ANKS1B: variants seen among roughly 807,000 people sequenced by gnomAD.
ANKS1B encodes the protein ankyrin repeat and sterile alpha motif domain containing 1B, also known as ankyrin repeat and sterile alpha motif domain-containing protein 1B.
Under a neutral mutation model 148.3 loss-of-function variants are expected in ANKS1B, and 36 were observed. The observed-to-expected ratio is 0.24, with a 90% CI of 0.19 to 0.32. The LOEUF (loss-of-function observed/expected upper bound fraction) is 0.32. Ranked by LOEUF, ANKS1B falls within the 10% of genes least tolerant of loss-of-function variation. The pLI is 1.00. For synonymous variants in ANKS1B, 542 were observed against 560.8 expected (o/e 0.97, Z 0.47); for missense variants, 1,157 against 1,542.6 (o/e 0.75, Z 4.19).
At chr12:99,534,688 C>CT (rs1313136743) in intron 9 of ANKS1B, among the ~76,000 whole-genome samples, 2 of 146,510 alleles carry the variant, frequency 1.4e-5, no homozygotes, top group Admixed American at 1.4e-4. Context: ...TTTTAGGAAA[C>CT]TTTTTTTTTC....
chr12:99,648,228 G>C (rs1306154451), intron 9 of ANKS1B: 5 of 1,614,174 alleles, frequency 3.1e-6, no homozygotes, highest in Non-Finnish European at 1.7e-6. Flanking sequence ...GCCCCGCAAT[G>C]GGCATGTTTA....
intron 8 of ANKS1B, among the ~76,000 whole-genome samples, chr12:99,741,206 A>AACACACACACAC (rs774613671): frequency 0.023 from 3,114 of 135,336 alleles, 63 homozygotes; most frequent in South Asian, 0.07. Flanking sequence ...GGCTCCGTCA[A>AACACACACACAC]ACACACACAC....
chr12:99,968,694 C>T (rs1485484928), intron 1 of ANKS1B, among the ~76,000 whole-genome samples: 1 of 152,136 alleles, frequency 6.6e-6, no homozygotes, highest in Non-Finnish European at 1.5e-5. Context: ...AATCTCATAC[C>T]GAAATGTGGT....
intron 1 of ANKS1B, among the ~76,000 whole-genome samples, chr12:99,945,787 C>A (rs2095045528): frequency 6.6e-6 from 1 of 152,136 alleles, no homozygotes; most frequent in South Asian, 2.1e-4. Flanking sequence ...AAATGAAGCC[C>A]AGAGAAGAAA....
At chr12:99,489,471 TAGA>T (rs551904133) in intron 10 of ANKS1B, among the ~76,000 whole-genome samples, 2 of 152,288 alleles carry the variant, frequency 1.3e-5, no homozygotes, top group South Asian at 4.1e-4. Flanking sequence ...TTTGAGCTAC[TAGA>T]AGAGAAAAGA....
intron 16 of ANKS1B, among the ~76,000 whole-genome samples, chr12:99,061,975 C>G (rs1356882373): frequency 6.6e-6 from 1 of 152,034 alleles, no homozygotes; most frequent in Non-Finnish European, 1.5e-5. Flanking sequence ...GATATCTGGG[C>G]AAATGGTGGT....
In ANKS1B at chr12:98,894,668, G is replaced by C. The variant is rs554382213; in HGVS notation, c.2779-62532C>G. The C allele has an allele frequency of 1.1e-3, 1,039 of 985,612 alleles. 8 individuals carry two copies. The African/African-American group carries it at 0.017, about 16-fold the overall frequency. 61.1% of individuals were successfully genotyped at this position (985,612 alleles called of 1,614,324 possible). A position where few individuals can be genotyped will look rare whatever the true frequency, so the allele number is the denominator to read the frequency against. ...GCTGGCCGCGAGCCGGGATCCGCGA[G>C]GGCTGGCGGGCTCTGGCCCCCGAGG... On this transcript the variant is annotated intron_variant, in intron 17 of 26. Coordinates refer to ENST00000683438, the MANE Select transcript of ANKS1B (RefSeq NM_001352186.2).
At chr12:99,020,178 T>A (rs2099944922) in intron 17 of ANKS1B, among the ~76,000 whole-genome samples, 1 of 152,096 alleles carries the variant, frequency 6.6e-6, no homozygotes, top group South Asian at 2.1e-4. Flanking sequence ...TATGCAACCA[T>A]CACCATCATC....
chr12:99,694,834 T>G (rs1388856419), intron 8 of ANKS1B, among the ~76,000 whole-genome samples: 1 of 152,214 alleles, frequency 6.6e-6, no homozygotes, highest in African/African-American at 2.4e-5. Context: ...CTTCAGCATC[T>G]CTGGGAAATC....
At chr12:98,898,023 C>T (rs2099767218) in intron 17 of ANKS1B, among the ~76,000 whole-genome samples, 1 of 152,042 alleles carries the variant, frequency 6.6e-6, no homozygotes, top group South Asian at 2.1e-4. Flanking sequence ...AATGGACATA[C>T]AGAGGGAAAC....
intron 19 of ANKS1B, among the ~76,000 whole-genome samples, chr12:98,827,768 T>C (rs1298648086): frequency 2.0e-5 from 3 of 152,204 alleles, no homozygotes; most frequent in African/African-American, 7.2e-5. Context: ...TAATGCTCAT[T>C]AAAGAACTAT....
chr12:99,301,282 T>C (rs1243087254), intron 12 of ANKS1B, among the ~76,000 whole-genome samples: 1 of 152,172 alleles, frequency 6.6e-6, no homozygotes, highest in Non-Finnish European at 1.5e-5. Flanking sequence ...AGGACCCACA[T>C]AGACATACAC....
chr12:99,647,424 T>G (rs1297356632), intron 9 of ANKS1B, among the ~76,000 whole-genome samples: 1 of 152,206 alleles, frequency 6.6e-6, no homozygotes, highest in Non-Finnish European at 1.5e-5. Context: ...TATCCAATTC[T>G]CTCTTTAAAA....
intron 19 of ANKS1B, among the ~76,000 whole-genome samples, chr12:98,817,502 G>A (rs992356972): frequency 1.2e-4 from 18 of 152,230 alleles, no homozygotes; most frequent in Admixed American, 4.6e-4. Context: ...CCCAGAGGCC[G>A]CAGGCCAGCA....
intron 9 of ANKS1B, among the ~76,000 whole-genome samples, chr12:99,607,599 G>T (rs750076299): frequency 6.6e-6 from 1 of 152,012 alleles, no homozygotes; most frequent in African/African-American, 2.4e-5. Context: ...CACATGCCAG[G>T]TCCAATAATT....
intron 17 of ANKS1B, among the ~76,000 whole-genome samples, chr12:98,987,358 A>G (rs989981798): frequency 5.3e-5 from 8 of 152,162 alleles, no homozygotes; most frequent in African/African-American, 4.8e-5. Flanking sequence ...ATATATTTCT[A>G]AAGTATCCCA....
chr12:98,924,058 C>T (rs893470041), intron 17 of ANKS1B, among the ~76,000 whole-genome samples: 1 of 152,188 alleles, frequency 6.6e-6, no homozygotes, highest in South Asian at 2.1e-4. Context: ...GACTTAGATG[C>T]CTCTATTTAT....
At chr12:98,817,267 T>C (rs886588992) in intron 19 of ANKS1B, among the ~76,000 whole-genome samples, 4 of 152,180 alleles carry the variant, frequency 2.6e-5, no homozygotes, top group African/African-American at 7.2e-5. Context: ...CCTTAGCCAA[T>C]AGCCAGCAAA....
intron 9 of ANKS1B, among the ~76,000 whole-genome samples, chr12:99,534,710 CTT>C (rs143251962): frequency 2.7e-4 from 33 of 123,800 alleles, no homozygotes; most frequent in Middle Eastern, 4.5e-3. Flanking sequence ...TTTTTCTTTT[CTT>C]TTTTTTTTTT....
Sources: gnomAD v4.1 joint callset for allele counts (sites outside exome capture counted in the v4.1 genomes callset) on GRCh38, gnomAD v4.1.1 for gene constraint, MANE v1.5 for transcripts, NCBI Gene and HGNC (gene_info 2026-07-23, HGNC 2026-07-21) for gene names.